PRDM11: variants seen among roughly 807,000 people sequenced by gnomAD.
PRDM11 encodes PR/SET domain 11, also known as PR domain-containing protein 11.
Under a neutral mutation model 97.8 loss-of-function variants are expected in PRDM11, and 20 were observed. The ratio of observed to expected loss-of-function variants is 0.20; its 90% CI spans 0.14 to 0.30. PRDM11 has a LOEUF of 0.30. Among genes scored for constraint, PRDM11 ranks in the 10% least tolerant of loss-of-function variants. PRDM11 has a pLI of 1.00. For synonymous variants in PRDM11, 599 were observed against 637.7 expected (o/e 0.94, Z 0.91); for missense variants, 1,139 against 1,555.2 (o/e 0.73, Z 4.50).
At chr11:45,194,187 G>T (rs10838430) in intron 4 of PRDM11, among the ~76,000 whole-genome samples, 23,026 of 152,144 alleles carry the variant, frequency 0.15, 2,093 homozygotes, top group African/African-American at 0.24. Flanking sequence ...AGCCATAAAT[G>T]CAGTACTCTT....
intron 1 of PRDM11, among the ~76,000 whole-genome samples, chr11:45,113,366 A>G (rs994332857): frequency 2.6e-5 from 4 of 152,186 alleles, no homozygotes; most frequent in African/African-American, 4.8e-5. Flanking sequence ...CTTATAATAT[A>G]GTTTGAAGTC....
chr11:45,191,932 C>T (rs1194541435), intron 4 of PRDM11, among the ~76,000 whole-genome samples: 1 of 152,104 alleles, frequency 6.6e-6, no homozygotes. Flanking sequence ...CTGTACCTAA[C>T]AACCCGTCAT....
chr11:45,234,571 G>T lies in PRDM11; in HGVS notation c.*6412G>T, dbSNP rs915893391. 1 of 152,270 alleles carries T rather than the reference G, an allele frequency of 6.6e-6. No individual in the cohort carries two copies. The highest frequency in any genetic ancestry group is 1.5e-5 in the Non-Finnish European group (1 of 68,156). 9.4% of individuals were successfully genotyped at this position (152,270 alleles called of 1,614,324 possible). A position where few individuals can be genotyped will look rare whatever the true frequency, so the allele number is the denominator to read the frequency against. ...TCCCACTGCAGTGGACTAGACCCACGGCCAGGGGATGGGCATCCCCAGGTA... is the reference window on the plus strand; with the variant it reads ...TCCCACTGCAGTGGACTAGACCCACTGCCAGGGGATGGGCATCCCCAGGTA... On this transcript the variant is annotated 3_prime_UTR_variant, in exon 8 of 8. Transcript: ENST00000683152.
chr11:45,136,881 G>A (rs12275518), intron 1 of PRDM11, among the ~76,000 whole-genome samples: 5,978 of 151,594 alleles, frequency 0.039, 415 homozygotes, highest in African/African-American at 0.14. Context: ...AGAGGCTCCT[G>A]CCTGTAATCC....
Position 45,227,536 on chromosome 11 carries a change from C to T in PRDM11, c.2911C>T (p.Leu971=). The T allele has an allele frequency of 1.3e-6, 2 of 1,533,914 alleles. No individual in the cohort carries two copies. The highest frequency in any genetic ancestry group is 8.7e-7 in the Non-Finnish European group (1 of 1,146,736). The change falls in exon 8 of 8, where the codon CTG becomes TTG. Residue 971 remains leucine, a synonymous_variant. Transcript: ENST00000683152. The surrounding 1 kb of genome is among the most constrained non-coding windows in gnomAD (Gnocchi z 8.0). ...GATCTGCCAGAAGACCCAGGTCATC[C>T]TGGCTCAGAGGTTCGACTCCCGCAG... The part of the protein sequence containing the change: ...EKICQKTQVI[L]AQRFDSRSRI...
chr11:45,142,332 C>G (rs1344790829), upstream of PRDM11, among the ~76,000 whole-genome samples: 1 of 152,154 alleles, frequency 6.6e-6, no homozygotes, highest in Non-Finnish European at 1.5e-5. Context: ...TAGAACAAGC[C>G]AATTCCATCC....
chr11:45,223,048 G>T (rs1262324193), intron 6 of PRDM11, among the ~76,000 whole-genome samples: 3 of 152,240 alleles, frequency 2.0e-5, no homozygotes, highest in Non-Finnish European at 4.4e-5. Flanking sequence ...GGGTGCCATG[G>T]CTCATGCCTG....
chr11:45,220,388 A>C (rs1854086947), intron 6 of PRDM11, among the ~76,000 whole-genome samples: 1 of 152,238 alleles, frequency 6.6e-6, no homozygotes, highest in South Asian at 2.1e-4. Flanking sequence ...TGAGAAGTAG[A>C]TGGAGTCATG....
At chr11:45,186,450 G>A (rs987902178) in intron 4 of PRDM11, among the ~76,000 whole-genome samples, 17 of 152,314 alleles carry the variant, frequency 1.1e-4, no homozygotes, top group Admixed American at 5.9e-4. Flanking sequence ...GCTGAAGCCC[G>A]GAGAAGGGAG....
chr11:45,160,689 C>A (rs1851907043), intron 1 of PRDM11, among the ~76,000 whole-genome samples: 1 of 152,224 alleles, frequency 6.6e-6, no homozygotes, highest in Admixed American at 6.5e-5. Flanking sequence ...TATTCTAGTG[C>A]CTCCTTGCAC....
upstream of PRDM11, among the ~76,000 whole-genome samples, chr11:45,095,605 A>C (rs570453766): frequency 3.4e-4 from 52 of 152,348 alleles, no homozygotes; most frequent in Non-Finnish European, 7.1e-4. Context: ...CACATTTCCC[A>C]GACTCCTCTG....
intron 1 of PRDM11, chr11:45,095,935 T>C (rs1471796647): frequency 2.6e-6 from 2 of 777,244 alleles, no homozygotes; most frequent in Non-Finnish European, 4.8e-6. Flanking sequence ...TGGGGGCTCC[T>C]CAAAACGCTT....
intron 1 of PRDM11, among the ~76,000 whole-genome samples, chr11:45,121,227 G>T (rs1852423535): frequency 6.6e-6 from 1 of 152,000 alleles, no homozygotes; most frequent in Non-Finnish European, 1.5e-5. Flanking sequence ...ATAATTGTCA[G>T]ATTGAACTAA....
Position 45,135,145 on chromosome 11 carries a change from C to G in PRDM11, c.96+39244C>G, listed in dbSNP as rs139845155. 4.9e-3 allele frequency among the ~76,000 whole-genome samples: 738 copies of G among 152,088 alleles called. 4 individuals carry two copies. The highest frequency in any genetic ancestry group is 0.016 in the African/African-American group (658 of 41,482). ...TTAATTATACTCTCTCTCTCTCTCT[C>G]TCTCTCCTACTAAAATAGGAATAAA... On this transcript the variant is annotated intron_variant, in intron 1 of 6. Coordinates refer to the PRDM11 transcript ENST00000530656.
intron 1 of PRDM11, among the ~76,000 whole-genome samples, chr11:45,098,872 AGG>A (rs973402630): frequency 6.6e-6 from 1 of 152,184 alleles, no homozygotes; most frequent in Admixed American, 6.5e-5. Flanking sequence ...AAGACCCCCA[AGG>A]GTGGGCTCCT....
At chr11:45,183,620 T>A (rs1246196132) in intron 4 of PRDM11, among the ~76,000 whole-genome samples, 1 of 152,128 alleles carries the variant, frequency 6.6e-6, no homozygotes, top group Admixed American at 6.5e-5. Context: ...AACAAGCAGG[T>A]ACACATGTGA....
chr11:45,201,177 T>C (rs533933341), intron 4 of PRDM11, among the ~76,000 whole-genome samples: 3 of 152,350 alleles, frequency 2.0e-5, no homozygotes, highest in East Asian at 1.9e-4. Context: ...CTAGAGAGCA[T>C]AGAAAATCAT....
At chr11:45,125,503 T>G (rs1852546428) in intron 1 of PRDM11, among the ~76,000 whole-genome samples, 1 of 152,238 alleles carries the variant, frequency 6.6e-6, no homozygotes, top group South Asian at 2.1e-4. Context: ...CTCTACACAC[T>G]GCTTTGAATG....
At chr11:45,133,823 T>A (rs1286577888) in intron 1 of PRDM11, among the ~76,000 whole-genome samples, 4 of 152,204 alleles carry the variant, frequency 2.6e-5, no homozygotes, top group African/African-American at 9.6e-5. Context: ...TGCCTCAACA[T>A]ACACCCCAGC....
Sources: gnomAD v4.1 joint callset for allele counts (sites outside exome capture counted in the v4.1 genomes callset) on GRCh38, gnomAD v4.1.1 for gene constraint, Gnocchi (gnomAD v3.1) non-coding constraint, MANE v1.5 for transcripts, NCBI Gene and HGNC (gene_info 2026-07-23, HGNC 2026-07-21) for gene names.